MRPS27: variants seen among roughly 807,000 people sequenced by gnomAD.
MRPS27 encodes small ribosomal subunit protein mS27.
A neutral mutation model predicts 48.9 loss-of-function variants in MRPS27; 43 were observed. The observed-to-expected ratio is 0.88, with a 90% CI of 0.69 to 1.13. The LOEUF is 1.13. MRPS27 is among the 50% of genes most tolerant of loss of function. The pLI is 0.00. For missense variants in MRPS27, 467 were observed against 476.3 expected, an observed-to-expected ratio of 0.98 and a Z score of 0.18; for synonymous variants, 188 against 171.9, an observed-to-expected ratio of 1.09 and a Z score of -0.73.
chr5:72,308,117 G>A (rs1031576456), intron 2 of MRPS27, among the ~76,000 whole-genome samples: 2 of 152,084 alleles, frequency 1.3e-5, no homozygotes, highest in Non-Finnish European at 2.9e-5. Flanking sequence ...GCAGGTCCTA[G>A]ACAGCTGCAT....
intron 4 of MRPS27, among the ~76,000 whole-genome samples, chr5:72,259,959 G>A (rs1160291537): frequency 6.6e-6 from 1 of 152,000 alleles, no homozygotes. Flanking sequence ...GATGGACATC[G>A]TTCATAGTGC....
At chr5:72,241,902 A>G (rs1270016837) in intron 4 of MRPS27, among the ~76,000 whole-genome samples, 1 of 152,188 alleles carries the variant, frequency 6.6e-6, no homozygotes, top group Non-Finnish European at 1.5e-5. Context: ...ACAGGCTGTC[A>G]AGATAGGCAA....
rs558659417 is a variant in MRPS27 at position 72,244,475 on chromosome 5, A to C, written c.282-6347T>G. 1.4e-3 allele frequency among the ~76,000 whole-genome samples: 210 copies of C among 152,298 alleles called. 1 individual carries two copies. The highest frequency in any genetic ancestry group is 3.4e-3 in the Middle Eastern group (1 of 294). The stretch of plus-strand genomic sequence containing the variant: ...TATTATCCACATCCTCTCATGAAAC[A>C]GAAAGCAATCAAAAGTAGGATGCAT... On this transcript the variant is annotated intron_variant, in intron 4 of 10. Transcript: ENST00000261413.
chr5:72,288,463 G>C (rs924634844), intron 4 of MRPS27, among the ~76,000 whole-genome samples: 1 of 152,146 alleles, frequency 6.6e-6, no homozygotes, highest in African/African-American at 2.4e-5. Context: ...TGCCCGCCTC[G>C]GCTCCCAAAG....
chr5:72,290,623 A>T (rs1749792477), intron 4 of MRPS27, among the ~76,000 whole-genome samples: 1 of 152,170 alleles, frequency 6.6e-6, no homozygotes, highest in African/African-American at 2.4e-5. Flanking sequence ...TAAAGATGCA[A>T]ATCTAATTCT....
intron 4 of MRPS27, among the ~76,000 whole-genome samples, chr5:72,271,741 T>TAAATATAAA (rs2112018379): frequency 6.6e-6 from 1 of 152,346 alleles, no homozygotes; most frequent in South Asian, 2.1e-4. Context: ...GCAAAATCCG[T>TAAATATAAA]AAAGTTCAAA....
chr5:72,261,315 G>A (rs1260437945), intron 4 of MRPS27, among the ~76,000 whole-genome samples: 3 of 152,114 alleles, frequency 2.0e-5, no homozygotes, highest in Admixed American at 1.3e-4. Flanking sequence ...GCAGTGGCAC[G>A]ATCTTGGCTC....
At chr5:72,267,385 T>C (rs1749130600) in intron 4 of MRPS27, among the ~76,000 whole-genome samples, 1 of 152,232 alleles carries the variant, frequency 6.6e-6, no homozygotes, top group African/African-American at 2.4e-5. Flanking sequence ...AATTTGCTTA[T>C]AGACTTCAGT....
At chr5:72,271,877 T>C (rs987237862) in intron 4 of MRPS27, among the ~76,000 whole-genome samples, 1 of 152,220 alleles carries the variant, frequency 6.6e-6, no homozygotes, top group African/African-American at 2.4e-5. Context: ...CCAGCATCTG[T>C]TGCAGGGCTC....
intron 4 of MRPS27, among the ~76,000 whole-genome samples, chr5:72,244,907 A>G (rs1023395826): frequency 2.0e-5 from 3 of 152,182 alleles, no homozygotes; most frequent in African/African-American, 7.2e-5. Context: ...TTCATGGTAC[A>G]TAAGGGAGGC....
chr5:72,297,578 C>T, intron 3 of MRPS27, 54 bp downstream of exon 3: 2 of 1,164,308 alleles, frequency 1.7e-6, no homozygotes, highest in Non-Finnish European at 2.5e-6. Flanking sequence ...CATGAAGGGC[C>T]TTTCTGGCTT....
At chr5:72,291,985 C>T (rs1232546170) in intron 4 of MRPS27, among the ~76,000 whole-genome samples, 3 of 152,254 alleles carry the variant, frequency 2.0e-5, no homozygotes, top group East Asian at 1.9e-4. Context: ...CCCAACCTCC[C>T]GGCTTAAACT....
rs536838788 is a variant in MRPS27, at chr5:72,312,355, T to C, written c.151+1726A>G. 3.9e-5 allele frequency among the ~76,000 whole-genome samples: 6 copies of C among 152,264 alleles called. No homozygotes were observed. In the South Asian group the frequency reaches 8.3e-4, roughly 21 times the overall value. ...ACATACCTTTGAATCAATCAGAACTTTACCAAGAGTTGTTCATTCTATAAA... is the reference window on the plus strand; with the variant it reads ...ACATACCTTTGAATCAATCAGAACTCTACCAAGAGTTGTTCATTCTATAAA... On this transcript the variant is annotated intron_variant, in intron 2 of 10. Transcript: ENST00000261413.
chr5:72,278,442 C>CA (rs11296227), intron 4 of MRPS27, among the ~76,000 whole-genome samples: 384 of 94,382 alleles, frequency 4.1e-3, no homozygotes, highest in Middle Eastern at 5.4e-3. Context: ...CTCTCCATCT[C>CA]AAAAAAAAAA....
intron 4 of MRPS27, among the ~76,000 whole-genome samples, chr5:72,276,426 A>G (rs1382628118): frequency 6.6e-6 from 1 of 152,236 alleles, no homozygotes. Context: ...AAAATGGATT[A>G]AAGATTCAAA....
At position 72,245,050 on chromosome 5, in the gene MRPS27, C is replaced by T. The variant is rs570778924; in HGVS notation, c.282-6922G>A. On this transcript the variant is annotated intron_variant, in intron 4 of 10. Transcript: ENST00000261413. ...GAATGGGAGAAGAAACAAGTATTTA[C>T]AGTCATCACTGAGGTGCCCATCTGG... is the stretch of plus-strand genomic sequence containing the variant. 7.2e-5 allele frequency among the ~76,000 whole-genome samples: 11 copies of T among 152,278 alleles called. No homozygotes were observed. In the South Asian group the frequency reaches 2.1e-3, roughly 29 times the overall value.
chr5:72,289,426 C>CT (rs113119081), intron 4 of MRPS27, among the ~76,000 whole-genome samples: 405 of 146,280 alleles, frequency 2.8e-3, no homozygotes, highest in African/African-American at 8.0e-3. Flanking sequence ...ATGCTATATT[C>CT]TTTTTTTTTT....
At chr5:72,251,625 C>T (rs1184162136) in intron 4 of MRPS27, among the ~76,000 whole-genome samples, 2 of 152,168 alleles carry the variant, frequency 1.3e-5, no homozygotes, top group African/African-American at 4.8e-5. Context: ...GCTCAGTGCC[C>T]ACTAGCCTCT....
chr5:72,317,252 T>C (rs987577865), intron 1 of MRPS27, among the ~76,000 whole-genome samples: 5 of 152,234 alleles, frequency 3.3e-5, no homozygotes, highest in Admixed American at 3.3e-4. Flanking sequence ...CACAGATCTT[T>C]ACTAGAATAA....
Sources: allele counts gnomAD v4.1 joint callset (sites outside exome capture counted in the v4.1 genomes callset), GRCh38; gene constraint gnomAD v4.1.1; transcripts MANE v1.5; gene names NCBI Gene and HGNC (gene_info 2026-07-23, HGNC 2026-07-21).